Variants in ANO3 observed in about 807,000 individuals in gnomAD.
ANO3 encodes the protein anoctamin 3.
In ANO3, 99 loss-of-function variants were observed where a neutral mutation model predicts 144.8. That is an observed-to-expected ratio of 0.68 (90% CI 0.58 to 0.81). The LOEUF is 0.81. Among genes scored for constraint, ANO3 ranks in the 30% least tolerant of loss-of-function variants. The pLI, the probability that ANO3 is intolerant of heterozygous loss-of-function variation, is 0.00. For synonymous variants in ANO3, 414 were observed against 392.6 expected, an observed-to-expected ratio of 1.05 and a Z score of -0.64; for missense variants, 905 against 1,202.2, an observed-to-expected ratio of 0.75 and a Z score of 3.66.
At chr11:26,381,033 A>G (rs1038211354) in intron 1 of ANO3, among the ~76,000 whole-genome samples, 3 of 152,140 alleles carry the variant, frequency 2.0e-5, no homozygotes, top group African/African-American at 7.2e-5. Flanking sequence ...TAAATTCTGT[A>G]TCTTTTGTTC....
At chr11:26,560,586 A>G (rs1265693583) in intron 14 of ANO3, 1 of 153,606 alleles carries the variant, frequency 6.5e-6, no homozygotes, top group East Asian at 1.9e-4. Context: ...ACTCTGGGCT[A>G]TGTCCTCTTT....
intron 18 of ANO3, among the ~76,000 whole-genome samples, chr11:26,626,463 A>G (rs371996905): frequency 2.6e-5 from 4 of 152,344 alleles, no homozygotes; most frequent in African/African-American, 9.6e-5. Flanking sequence ...ATAATTGAGT[A>G]TAATTGGCCA....
intron 1 of ANO3, among the ~76,000 whole-genome samples, chr11:26,385,802 T>C (rs1481797631): frequency 6.8e-6 from 1 of 147,246 alleles, no homozygotes; most frequent in Non-Finnish European, 1.5e-5. Flanking sequence ...AATTTGAGTG[T>C]GATGTCCAAG....
chr11:26,581,412 G>A (rs866042758), intron 14 of ANO3, among the ~76,000 whole-genome samples: 1 of 151,170 alleles, frequency 6.6e-6, no homozygotes, highest in Non-Finnish European at 1.5e-5. Flanking sequence ...GGAGAAGGCC[G>A]GACACTTGGT....
At position 26,586,588 on chromosome 11, in the gene ANO3, C is replaced by T. The variant is rs566000007; in HGVS notation, c.1448-11777C>T. Among the ~76,000 whole-genome samples the T allele has an allele frequency of 2.4e-3, 344 of 145,544 alleles. 2 individuals are homozygous for T. The highest frequency in any genetic ancestry group is 3.9e-3 in the Non-Finnish European group (263 of 66,946). The stretch of plus-strand genomic sequence containing the variant: ...CGCGATCTCGGCTCACCGCAAGCTC[C>T]GCCTCCCATGTTCACGCCATTCTCC... On this transcript the variant is annotated intron_variant, in intron 14 of 26. Coordinates refer to ENST00000256737, the MANE Select transcript of ANO3 (RefSeq NM_031418.4).
intron 1 of ANO3, among the ~76,000 whole-genome samples, chr11:26,195,411 C>A (rs542432473): frequency 1.6e-4 from 25 of 152,166 alleles, no homozygotes; most frequent in Non-Finnish European, 3.5e-4. Flanking sequence ...TGTTCCCAGT[C>A]CGGACAAAAA....
chr11:26,440,280 C>A (rs1372781489), intron 1 of ANO3, among the ~76,000 whole-genome samples: 1 of 151,996 alleles, frequency 6.6e-6, no homozygotes, highest in East Asian at 1.9e-4. Context: ...TAATAATGAA[C>A]TACCTGAGAC....
chr11:26,211,413 C>G (rs1242679029), intron 1 of ANO3, among the ~76,000 whole-genome samples: 1 of 151,810 alleles, frequency 6.6e-6, no homozygotes, highest in Admixed American at 6.6e-5. Context: ...GGAAACAGAT[C>G]TAAAATCGAC....
chr11:26,559,448 GA>G (rs2134243620), intron 13 of ANO3: 1 of 310,464 alleles, frequency 3.2e-6, no homozygotes, highest in East Asian at 5.4e-5. Flanking sequence ...TAGAATGGTA[GA>G]ATTATTTATA....
chr11:26,643,444 A>G, intron 23 of ANO3, 110 bp downstream of exon 23: 1 of 1,342,538 alleles, frequency 7.4e-7, no homozygotes, highest in Non-Finnish European at 1.0e-6. Flanking sequence ...GTGTCATAGT[A>G]TTAAGAGGCC....
intron 1 of ANO3, among the ~76,000 whole-genome samples, chr11:26,374,742 T>C: frequency 6.6e-6 from 1 of 152,116 alleles, no homozygotes; most frequent in East Asian, 1.9e-4. Flanking sequence ...TTGTGCACTT[T>C]CTTTTTGTTT....
At chr11:26,525,278 A>T (rs1849132717) in intron 6 of ANO3, among the ~76,000 whole-genome samples, 1 of 152,084 alleles carries the variant, frequency 6.6e-6, no homozygotes, top group African/African-American at 2.4e-5. Context: ...GGAAAATGGA[A>T]GGAGGGATGG....
At chr11:26,521,264 G>A (rs1240310182) in intron 6 of ANO3, among the ~76,000 whole-genome samples, 1 of 152,064 alleles carries the variant, frequency 6.6e-6, no homozygotes, top group Non-Finnish European at 1.5e-5. Context: ...GGAAACATAT[G>A]TATCTCTTTT....
At chr11:26,251,387 C>A (rs1337067571) in intron 1 of ANO3, among the ~76,000 whole-genome samples, 1 of 152,150 alleles carries the variant, frequency 6.6e-6, no homozygotes, top group African/African-American at 2.4e-5. Flanking sequence ...TGGATGTTTT[C>A]AGATATTTTT....
intron 17 of ANO3, among the ~76,000 whole-genome samples, chr11:26,605,552 G>A (rs2132947746): frequency 6.6e-6 from 1 of 152,182 alleles, no homozygotes; most frequent in African/African-American, 2.4e-5. Flanking sequence ...AATCCATCTG[G>A]TCCTGGGCTT....
At chr11:26,656,529 A>G in intron 26 of ANO3, 48 bp downstream of exon 26, 1 of 1,255,188 alleles carries the variant, frequency 8.0e-7, no homozygotes, top group South Asian at 1.2e-5. Flanking sequence ...ATGCTTTTCT[A>G]AATGATTTAT....
intron 17 of ANO3, among the ~76,000 whole-genome samples, chr11:26,614,886 T>G (rs888404914): frequency 1.6e-4 from 24 of 152,156 alleles, no homozygotes; most frequent in African/African-American, 5.8e-4. Context: ...TTCAGTCACT[T>G]TACTTACAAT....
intron 4 of ANO3, among the ~76,000 whole-genome samples, chr11:26,484,202 C>T (rs982439599): frequency 6.6e-6 from 1 of 152,078 alleles, no homozygotes; most frequent in African/African-American, 2.4e-5. Flanking sequence ...AAATTTGCAG[C>T]CTGACTGTGG....
At chr11:26,421,197 T>G (rs1050368902) in intron 1 of ANO3, among the ~76,000 whole-genome samples, 4 of 152,070 alleles carry the variant, frequency 2.6e-5, no homozygotes, top group African/African-American at 9.7e-5. Context: ...CTTGGTAATT[T>G]GTAGGCACGA....
Sources: gnomAD v4.1 joint callset for allele counts (sites outside exome capture counted in the v4.1 genomes callset) on GRCh38, gnomAD v4.1.1 for gene constraint, MANE v1.5 for transcripts, NCBI Gene and HGNC (gene_info 2026-07-23, HGNC 2026-07-21) for gene names.